Variants in ANKAR observed in about 807,000 individuals in gnomAD.
ANKAR encodes ankyrin and armadillo repeat-containing protein.
Under a neutral mutation model 146.2 loss-of-function variants are expected in ANKAR, and 136 were observed. That is an observed-to-expected ratio of 0.93 (90% CI 0.81 to 1.07). The LOEUF is 1.07. Ranked by LOEUF, ANKAR falls within the 50% of genes least tolerant of loss-of-function variation. ANKAR has a pLI of 0.00. For synonymous variants in ANKAR, 500 were observed against 575.8 expected (o/e 0.87, Z 1.88); for missense variants, 1,567 against 1,679.9 (o/e 0.93, Z 1.18).
At chr2:189,742,726 G>A (rs2043453839) in intron 20 of ANKAR, among the ~76,000 whole-genome samples, 1 of 151,858 alleles carries the variant, frequency 6.6e-6, no homozygotes, top group Non-Finnish European at 1.5e-5. Context: ...TGGAACCCAG[G>A]CATAATTGTC....
At chr2:189,698,079 CAG>C (rs893310090) in intron 7 of ANKAR, among the ~76,000 whole-genome samples, 2 of 152,014 alleles carry the variant, frequency 1.3e-5, no homozygotes, top group East Asian at 1.9e-4. Context: ...CCTTTTAAAA[CAG>C]AGTCATCCAA....
At chr2:189,758,352 G>A (rs751599906) in intron 18 of ANKAR, among the ~76,000 whole-genome samples, 34 of 151,970 alleles carry the variant, frequency 2.2e-4, no homozygotes, top group Non-Finnish European at 4.6e-4. Context: ...TTGCACTCTG[G>A]TCTGGGCAAC....
At position 189,718,809 on chromosome 2, in the gene ANKAR, G is replaced by A. The variant is rs1045516693; in HGVS notation, c.2225-763G>A. Among the ~76,000 whole-genome samples the A allele has an allele frequency of 1.3e-5, 2 of 150,214 alleles. 1 individual carries two copies. The highest frequency in any genetic ancestry group is 4.2e-4 in the South Asian group (2 of 4,718). On this transcript the variant is annotated intron_variant, in intron 10 of 22. Transcript: ENST00000684021. ...CCAGGCCGGACTGCGGACTGCAGTGGCGCAATCTCGGCTCACTGCAAGCTC... is the reference window on the plus strand; with the variant it reads ...CCAGGCCGGACTGCGGACTGCAGTGACGCAATCTCGGCTCACTGCAAGCTC...
chr2:189,733,020 A>G (rs2042557139), intron 16 of ANKAR, 87 bp from the exon 17 acceptor site: 3 of 1,276,576 alleles, frequency 2.4e-6, no homozygotes, highest in Admixed American at 2.6e-5. Flanking sequence ...TCTTTCCACA[A>G]TGTATTCTAT....
chr2:189,733,624 A>C (rs2042596711), intron 17 of ANKAR, among the ~76,000 whole-genome samples: 1 of 151,878 alleles, frequency 6.6e-6, no homozygotes, highest in Non-Finnish European at 1.5e-5. Flanking sequence ...TGGAAGGATA[A>C]TTTTTTTTAA....
At chr2:189,698,998 A>C (rs2037665610) in intron 7 of ANKAR, among the ~76,000 whole-genome samples, 2 of 152,090 alleles carry the variant, frequency 1.3e-5, no homozygotes, top group East Asian at 1.9e-4. Context: ...CCTTATATAA[A>C]TTTATTTAGT....
chr2:189,729,695 C>CGTGTGTGTGTGTGTGTGTGTGTGTGT (rs139823318), intron 15 of ANKAR, among the ~76,000 whole-genome samples: 1,120 of 94,192 alleles, frequency 0.012, 17 homozygotes, highest in South Asian at 0.019. Context: ...ATCAGCTGTG[C>CGTGTGTGTGTGTGTGTGTGTGTGTGT]GTGTGTGTGT....
intron 18 of ANKAR, 24 bp downstream of exon 18, chr2:189,737,865 C>A: frequency 1.3e-6 from 2 of 1,498,306 alleles, no homozygotes; most frequent in Non-Finnish European, 1.8e-6. Context: ...ATTAACACCT[C>A]AAATTAATAA....
intron 17 of ANKAR, among the ~76,000 whole-genome samples, chr2:189,737,073 C>CAA (rs367906093): frequency 2.1e-5 from 2 of 94,672 alleles, no homozygotes; most frequent in African/African-American, 7.9e-5. Flanking sequence ...GACTTTGTCT[C>CAA]AAAAAAAAAA....
chr2:189,751,720 C>T (rs1280035748), intron 18 of ANKAR, among the ~76,000 whole-genome samples: 2 of 151,712 alleles, frequency 1.3e-5, no homozygotes, highest in Non-Finnish European at 2.9e-5. Flanking sequence ...GCTGGGATTA[C>T]AGGCATGAGC....
chr2:189,719,663 C>T lies in ANKAR; in HGVS notation c.2316C>T (p.His772=). ...TVGLLSNIST[H]KSAVHALVEA... Reference sequence around the variant, plus strand: ...GGTTATTGAGTAATATCTCAACCCACAAAAGTGCAGTGCATGCTTTGGTAG... The same window carrying T: ...GGTTATTGAGTAATATCTCAACCCATAAAAGTGCAGTGCATGCTTTGGTAG... Residue 772 remains histidine (H), a synonymous_variant, in exon 11 of 23, where the codon CAC becomes CAT. Transcript: ENST00000684021. The T allele has an allele frequency of 6.2e-7, 1 of 1,614,110 alleles. No individual in the cohort carries two copies.
chr2:189,695,249 T>TA, intron 6 of ANKAR, 88 bp downstream of exon 6: 1 of 1,116,216 alleles, frequency 9.0e-7, no homozygotes, highest in Non-Finnish European at 1.2e-6. Flanking sequence ...ATCCTAGGGA[T>TA]AATAATAGGT....
At chr2:189,692,772 A>G in intron 4 of ANKAR, 1 of 252,168 alleles carries the variant, frequency 4.0e-6, no homozygotes, top group Non-Finnish European at 7.4e-6. Flanking sequence ...TCAAAGAATC[A>G]GGATTAGAAC....
chr2:189,750,521 T>C, downstream of ANKAR: 1 of 883,588 alleles, frequency 1.1e-6, no homozygotes, highest in Non-Finnish European at 1.8e-6. Context: ...CACAAAACAA[T>C]AAAAACTTAA....
In ANKAR at chr2:189,674,766, T is replaced by C. The variant is rs1311243290; in HGVS notation, c.-100T>C. 1 of 152,288 alleles carries C rather than the reference T, an allele frequency of 6.6e-6. No homozygotes were observed. Among genetic ancestry groups the C allele is most frequent in the Non-Finnish European group, 1.5e-5 (1 of 68,104 alleles). The allele number at this position is 152,288 out of a possible 1,614,324, so 9.4% of individuals were successfully genotyped here. On this transcript the variant is annotated 5_prime_UTR_variant, in exon 1 of 23. Coordinates refer to ENST00000684021, the MANE Select transcript of ANKAR (RefSeq NM_001378068.1). ...CCATCTGAGGCGGCGACGACTGTTCTCAGCCCCACGGGAACGCCGCGGACG... is the reference window on the plus strand; with the variant it reads ...CCATCTGAGGCGGCGACGACTGTTCCCAGCCCCACGGGAACGCCGCGGACG...
intron 2 of ANKAR, among the ~76,000 whole-genome samples, chr2:189,688,493 A>C (rs1169521897): frequency 6.6e-6 from 1 of 152,188 alleles, no homozygotes; most frequent in African/African-American, 2.4e-5. Context: ...ATTTCTATGA[A>C]GAACAGTGAC....
At chr2:189,746,326 T>C (rs1472837860) in intron 22 of ANKAR, 54 bp from the exon 23 acceptor site, 3 of 1,505,950 alleles carry the variant, frequency 2.0e-6, no homozygotes, top group Non-Finnish European at 2.7e-6. Flanking sequence ...GTAGAAGTAA[T>C]GAGACTATAC....
rs141238243 is a variant in ANKAR, at chr2:189,739,338, T to C, written c.3700+656T>C. Among the ~76,000 whole-genome samples the C allele has an allele frequency of 2.5e-4, 38 of 152,246 alleles. No homozygotes were observed. The East Asian group carries it at 7.3e-3, about 29-fold the overall frequency. On this transcript the variant is annotated intron_variant, in intron 19 of 22. Transcript: ENST00000684021. ...ATAAGTATTTGTTTTTTAATTAAAATGTATCACTAAAGGAAACTTTACTTG... is the reference window on the plus strand; with the variant it reads ...ATAAGTATTTGTTTTTTAATTAAAACGTATCACTAAAGGAAACTTTACTTG...
chr2:189,679,201 A>G (rs531742183), intron 2 of ANKAR, among the ~76,000 whole-genome samples: 38 of 152,126 alleles, frequency 2.5e-4, no homozygotes, highest in African/African-American at 8.7e-4. Context: ...ATTTAACTTT[A>G]TTTAATTTTG....
Sources: allele counts gnomAD v4.1 joint callset (sites outside exome capture counted in the v4.1 genomes callset), GRCh38; gene constraint gnomAD v4.1.1; transcripts MANE v1.5; gene names NCBI Gene and HGNC (gene_info 2026-07-23, HGNC 2026-07-21).